Variants in SLC2A1 observed in about 807,000 individuals in gnomAD.
SLC2A1 encodes solute carrier family 2 member 1.
A neutral mutation model predicts 46.6 loss-of-function variants in SLC2A1; 4 were observed. The ratio of observed to expected loss-of-function variants is 0.09; its 90% CI spans 0.04 to 0.20. The LOEUF (loss-of-function observed/expected upper bound fraction) is 0.20. Ranked by LOEUF, SLC2A1 falls within the 10% of genes least tolerant of loss-of-function variation. The probability of loss-of-function intolerance (pLI) is 1.00; values close to 1 mark genes in which losing one functional copy is unlikely to be tolerated. For missense variants in SLC2A1, 352 were observed against 667.0 expected, an observed-to-expected ratio of 0.53 and a Z score of 5.20; for synonymous variants, 253 against 270.0, an observed-to-expected ratio of 0.94 and a Z score of 0.62.
At chr1:42,950,589 A>T (rs967789970) in intron 1 of SLC2A1, among the ~76,000 whole-genome samples, 9 of 152,170 alleles carry the variant, frequency 5.9e-5, no homozygotes, top group Admixed American at 1.3e-4. Flanking sequence ...AGAGAACATT[A>T]ATTTGGTAAG....
intron 1 of SLC2A1, among the ~76,000 whole-genome samples, chr1:42,952,808 C>T (rs1049660209): frequency 1.3e-5 from 2 of 152,184 alleles, no homozygotes; most frequent in Non-Finnish European, 2.9e-5. Flanking sequence ...CCCTCCAGCC[C>T]AAGAGAGTCC....
At position 42,958,249 on chromosome 1, in the gene SLC2A1, C is replaced by T. The variant is rs561707505; in HGVS notation, c.18+385G>A. On this transcript the variant is annotated intron_variant, in intron 1 of 9. Transcript: ENST00000426263. ...CCAATGGGCGCCGCGCTCGGGCCCC[C>T]TCCCCCGCACCGGGAGGGGCCGAGG... Among the ~76,000 whole-genome samples the T allele has an allele frequency of 2.6e-5, 4 of 151,466 alleles. No homozygotes were observed. In the South Asian group the frequency reaches 8.3e-4, roughly 31 times the overall value.
intron 2 of SLC2A1, among the ~76,000 whole-genome samples, chr1:42,941,363 C>G (rs932231827): frequency 2.0e-5 from 3 of 152,176 alleles, no homozygotes; most frequent in Admixed American, 6.5e-5. Flanking sequence ...TTGACCTCCC[C>G]AACCTTTCCC....
rs941678529 is a variant in SLC2A1, at chr1:42,948,850, G to A, written c.19-5529C>T. Among the ~76,000 whole-genome samples the A allele has an allele frequency of 6.6e-5, 10 of 152,084 alleles. 1 individual carries two copies. The highest frequency in any genetic ancestry group is 6.5e-4 in the Admixed American group (10 of 15,270). ...GGAGGCAAGGCGGGCAGATCACGAG[G>A]TCAGGAGATCGAGACCATCCTGGCT... is the stretch of plus-strand genomic sequence containing the variant. On this transcript the variant is annotated intron_variant, in intron 1 of 9. Coordinates refer to ENST00000426263, the MANE Select transcript of SLC2A1 (RefSeq NM_006516.4).
Position 42,927,023 on chromosome 1 carries a change from C to T in SLC2A1, c.*18G>A. 13 of 1,612,122 alleles carry T rather than the reference C, an allele frequency of 8.1e-6. No homozygotes were observed. The highest frequency in any genetic ancestry group is 1.1e-5 in the Non-Finnish European group (13 of 1,178,426). ...TTAGGGCTGCTGGGAGCAGGCCGGG[C>T]TGGTGATCTGGGGCGACTCACACTT... On this transcript the variant is annotated 3_prime_UTR_variant, in exon 10 of 10. Transcript: ENST00000426263. This position sits in a 1 kb window ranked among gnomAD's most constrained non-coding sequence, Gnocchi z 5.3.
chr1:42,929,691 CCTT>C lies in SLC2A1; in HGVS notation c.766_768del (p.Lys256del), dbSNP rs1557645931. The C allele has an allele frequency of 5.0e-6, 8 of 1,613,738 alleles. No homozygotes were observed. The highest frequency in any genetic ancestry group is 5.1e-6 in the Non-Finnish European group (6 of 1,179,976). On this transcript the variant is annotated inframe_deletion, in exon 6 of 10. Transcript: ENST00000426263. The surrounding 1 kb of genome is among the most constrained non-coding windows in gnomAD (Gnocchi z 6.0). ...GAGCGGAACAGCTCCAGGATGGTGA[CCTT>C]CTTCTCCCGCATCATCTGCCGACTC...
intron 8 of SLC2A1, among the ~76,000 whole-genome samples, chr1:42,928,583 G>A (rs1176354419): frequency 6.6e-6 from 1 of 152,192 alleles, no homozygotes; most frequent in Non-Finnish European, 1.5e-5. Context: ...CGCCTCTATG[G>A]GGAGGACAGC....
rs1188969855 is a variant in SLC2A1, at chr1:42,954,800, CAGGGCAGTTGTG to C, written c.18+3822_18+3833del. Among the ~76,000 whole-genome samples, 2 of 152,184 alleles carry C rather than the reference CAGGGCAGTTGTG, an allele frequency of 1.3e-5. No individual in the cohort carries two copies. The highest frequency in any genetic ancestry group is 4.8e-5 in the African/African-American group (2 of 41,432). On this transcript the variant is annotated intron_variant, in intron 1 of 9. Coordinates refer to ENST00000426263, the MANE Select transcript of SLC2A1 (RefSeq NM_006516.4). This position sits in a 1 kb window ranked among gnomAD's most constrained non-coding sequence, Gnocchi z 4.2. Reference sequence around the variant, plus strand: ...CATGAGGTCACTGTAACTTGTATCACAGGGCAGTTGTGAGGACCCTTGGAGTTAATGGACATG... The same window carrying C: ...CATGAGGTCACTGTAACTTGTATCACAGGACCCTTGGAGTTAATGGACATG...
intron 1 of SLC2A1, among the ~76,000 whole-genome samples, chr1:42,944,397 G>A (rs1358931137): frequency 1.3e-5 from 2 of 152,188 alleles, no homozygotes; most frequent in Non-Finnish European, 2.9e-5. Context: ...CTGATTGTGG[G>A]AGAACAGGGC....
At position 42,927,761 on chromosome 1, in the gene SLC2A1, G is replaced by C; in HGVS notation, c.1122C>G (p.Gly374=). The stretch of plus-strand genomic sequence containing the variant: ...GACCCACTTCAAAGAAGGCCACAAA[G>C]CCAAAGATGGCCACGATGCTCAGAT... The part of the protein sequence containing the change: ...MSYLSIVAIF[G]FVAFFEVGPG... The change falls in exon 9 of 10, where the codon GGC becomes GGG. Residue 374 remains glycine, a synonymous_variant. Transcript: ENST00000426263. The surrounding 1 kb of genome is among the most constrained non-coding windows in gnomAD (Gnocchi z 5.3). 1.2e-6 allele frequency: 2 copies of C among 1,613,974 alleles called. No homozygotes were observed. The highest frequency in any genetic ancestry group is 1.7e-6 in the Non-Finnish European group (2 of 1,179,928).
At chr1:42,932,063 GA>G (rs1013445658) in intron 2 of SLC2A1, among the ~76,000 whole-genome samples, 6 of 152,146 alleles carry the variant, frequency 3.9e-5, no homozygotes, top group Non-Finnish European at 7.4e-5. Flanking sequence ...TCACCCTTCA[GA>G]AGTGCTTGAA....
chr1:42,956,428 A>C (rs946732482), intron 1 of SLC2A1, among the ~76,000 whole-genome samples: 2 of 76,624 alleles, frequency 2.6e-5, no homozygotes, highest in Non-Finnish European at 4.9e-5. Flanking sequence ...AAAAAAAAAA[A>C]AAAAACATTA....
rs182061160 is a variant in SLC2A1 at position 42,926,441 on chromosome 1, C to T, written c.*600G>A. Reference sequence around the variant, plus strand: ...GGCAGCCCAGACTGGCCCTTCCCCTCTCCTCCCTGCACTCCAGTGCTCCCA... The same window carrying T: ...GGCAGCCCAGACTGGCCCTTCCCCTTTCCTCCCTGCACTCCAGTGCTCCCA... On this transcript the variant is annotated 3_prime_UTR_variant, in exon 10 of 10. Transcript: ENST00000426263. The T allele has an allele frequency of 4.3e-6, 1 of 230,698 alleles. No individual in the cohort carries two copies. Among genetic ancestry groups the T allele is most frequent in the East Asian group, 9.8e-5 (1 of 10,230 alleles). 14.3% of individuals were successfully genotyped at this position (230,698 alleles called of 1,614,324 possible).
In SLC2A1 at chr1:42,927,558, G is replaced by T; in HGVS notation, c.1278+47C>A. On this transcript the variant is annotated intron_variant, in intron 9 of 9. Coordinates refer to ENST00000426263, the MANE Select transcript of SLC2A1 (RefSeq NM_006516.4). This position sits in a 1 kb window ranked among gnomAD's most constrained non-coding sequence, Gnocchi z 5.3. ...CTGGGCCAGCACTTTGCACAGCACTGTGGGGTCATGCGTGCGGGTGAGTAT... is the reference window on the plus strand; with the variant it reads ...CTGGGCCAGCACTTTGCACAGCACTTTGGGGTCATGCGTGCGGGTGAGTAT... The T allele has an allele frequency of 6.6e-7, 1 of 1,523,080 alleles. No homozygotes were observed. The highest frequency in any genetic ancestry group is 9.0e-7 in the Non-Finnish European group (1 of 1,113,998). The allele number at this position is 1,523,080 out of a possible 1,614,324, so 94.3% of individuals were successfully genotyped here.
At chr1:42,940,442 G>A (rs1770810) in intron 2 of SLC2A1, among the ~76,000 whole-genome samples, 29,164 of 152,156 alleles carry the variant, frequency 0.19, 2,886 homozygotes, top group Middle Eastern at 0.26. Context: ...GGACACGGCC[G>A]TGGACAAACC....
At chr1:42,935,078 G>A (rs535171025) in intron 2 of SLC2A1, among the ~76,000 whole-genome samples, 14 of 152,094 alleles carry the variant, frequency 9.2e-5, no homozygotes, top group Non-Finnish European at 1.5e-4. Flanking sequence ...TCTGGGTGGC[G>A]GCAAGCGTGT....
In SLC2A1 at chr1:42,927,477, G is replaced by T. The variant is rs1175223620; in HGVS notation, c.1278+128C>A. 3.1e-6 allele frequency: 3 copies of T among 980,442 alleles called. No individual in the cohort carries two copies. The highest frequency in any genetic ancestry group is 4.8e-6 in the Non-Finnish European group (3 of 629,200). The allele number at this position is 980,442 out of a possible 1,614,324, so 60.7% of individuals were successfully genotyped here. A position where few individuals can be genotyped will look rare whatever the true frequency, so the allele number is the denominator to read the frequency against. On this transcript the variant is annotated intron_variant, in intron 9 of 9. Transcript: ENST00000426263. The surrounding 1 kb of genome is among the most constrained non-coding windows in gnomAD (Gnocchi z 5.3). Reference sequence around the variant, plus strand: ...AGTTGAGGTCAGCATTCTTGGTCATGTGACCTGGGCTTCCTACCCTCAGTT... The same window carrying T: ...AGTTGAGGTCAGCATTCTTGGTCATTTGACCTGGGCTTCCTACCCTCAGTT...
chr1:42,942,827 T>G (rs1204980678), intron 2 of SLC2A1: 1 of 322,564 alleles, frequency 3.1e-6, no homozygotes, highest in Non-Finnish European at 6.1e-6. Context: ...CTCCTGACAG[T>G]GCTGCAGTGA....
chr1:42,932,292 A>G (rs1343461915), intron 2 of SLC2A1, among the ~76,000 whole-genome samples: 57 of 127,042 alleles, frequency 4.5e-4, no homozygotes, highest in Non-Finnish European at 1.3e-4. Flanking sequence ...GCCAGCTCCC[A>G]CGGATGTGGT....
Sources: gnomAD v4.1 joint callset for allele counts (sites outside exome capture counted in the v4.1 genomes callset) on GRCh38, gnomAD v4.1.1 for gene constraint, Gnocchi (gnomAD v3.1) non-coding constraint, MANE v1.5 for transcripts, NCBI Gene and HGNC (gene_info 2026-07-23, HGNC 2026-07-21) for gene names.